The following KHDC1 variants were observed in gnomAD, a reference collection of about 807,000 sequenced individuals.
The protein encoded by KHDC1 is KH domain containing 1.
Under a neutral mutation model 24.7 loss-of-function variants are expected in KHDC1, and 21 were observed. The observed-to-expected ratio is 0.85, with a 90% CI of 0.60 to 1.23. The LOEUF (loss-of-function observed/expected upper bound fraction) is 1.23. Among genes scored for constraint, KHDC1 ranks in the 50% most tolerant of loss-of-function variants. The pLI is 0.00. For synonymous variants in KHDC1, 98 were observed against 111.7 expected (o/e 0.88, Z 0.77); for missense variants, 274 against 298.5 (o/e 0.92, Z 0.61).
chr6:73,283,446 T>G (rs1013616860), intron 2 of KHDC1, among the ~76,000 whole-genome samples: 2 of 152,026 alleles, frequency 1.3e-5, no homozygotes, highest in African/African-American at 4.8e-5. Context: ...AGAGACAGGG[T>G]CTCAGTGTTG....
chr6:73,295,083 T>C (rs566021545), intron 1 of KHDC1, among the ~76,000 whole-genome samples: 1 of 151,678 alleles, frequency 6.6e-6, no homozygotes, highest in Non-Finnish European at 1.5e-5. Context: ...GAACCGGGAG[T>C]TGGATGTTGC....
chr6:73,287,963 G>A (rs1767553489), intron 2 of KHDC1, among the ~76,000 whole-genome samples: 2 of 152,148 alleles, frequency 1.3e-5, no homozygotes, highest in African/African-American at 4.8e-5. Context: ...AGTGGAGAAG[G>A]GCTAATGAAG....
At chr6:73,266,972 G>T (rs1164168898) in intron 2 of KHDC1, among the ~76,000 whole-genome samples, 1 of 151,818 alleles carries the variant, frequency 6.6e-6, no homozygotes, top group Non-Finnish European at 1.5e-5. Context: ...GAGGATTGCT[G>T]AGCCCAGAAG....
chr6:73,243,792 CAAAT>C (rs1766618386), intron 2 of KHDC1, among the ~76,000 whole-genome samples: 1 of 152,184 alleles, frequency 6.6e-6, no homozygotes, highest in African/African-American at 2.4e-5. Flanking sequence ...TGTTTGCTAT[CAAAT>C]AAAAGCTGTC....
intron 2 of KHDC1, among the ~76,000 whole-genome samples, chr6:73,257,033 C>G (rs1766891119): frequency 6.6e-6 from 1 of 152,090 alleles, no homozygotes; most frequent in Non-Finnish European, 1.5e-5. Context: ...TGGCTCAAAC[C>G]TGTAATCCTA....
intron 1 of KHDC1, among the ~76,000 whole-genome samples, chr6:73,305,002 C>G (rs1767935866): frequency 6.6e-6 from 1 of 152,120 alleles, no homozygotes; most frequent in African/African-American, 2.4e-5. Context: ...CTTTGGGAGG[C>G]TGAGGTGGGC....
chr6:73,260,115 CTACTT>C (rs1333369390), intron 2 of KHDC1, among the ~76,000 whole-genome samples: 2 of 152,284 alleles, frequency 1.3e-5, no homozygotes, highest in East Asian at 1.9e-4. Context: ...TTCCTCATTC[CTACTT>C]TAGAGTCCGC....
intron 1 of KHDC1, chr6:73,292,566 G>A: frequency 1.3e-6 from 1 of 766,800 alleles, no homozygotes; most frequent in Non-Finnish European, 2.4e-6. Context: ...AATTCTGTGA[G>A]TTCTCCACTC....
chr6:73,287,331 CA>C (rs1191544879), intron 2 of KHDC1, among the ~76,000 whole-genome samples: 10 of 152,302 alleles, frequency 6.6e-5, no homozygotes, highest in South Asian at 4.1e-4. Context: ...GCCAGAAAGA[CA>C]CAATCATCAT....
At chr6:73,290,632 G>A in intron 2 of KHDC1, 3 of 507,338 alleles carry the variant, frequency 5.9e-6, no homozygotes, top group South Asian at 4.4e-5. Flanking sequence ...CTGCTGATGT[G>A]TCATATCCTG....
At position 73,280,328 on chromosome 6, in the gene KHDC1, T is replaced by C. The variant is rs941299445; in HGVS notation, c.206+11670A>G. ...ATGCACCACCATGCTCGGCTAATGT[T>C]TGTATTTTATTTTTTGTAGAAATGG... On this transcript the variant is annotated intron_variant, in intron 2 of 4. Transcript: ENST00000370384. 2.0e-5 allele frequency among the ~76,000 whole-genome samples: 3 copies of C among 151,572 alleles called. No homozygotes were observed. The East Asian group carries it at 5.8e-4, about 29-fold the overall frequency.
intron 1 of KHDC1, chr6:73,301,365 C>CCAGT (rs1767872129): frequency 6.6e-6 from 1 of 152,132 alleles, no homozygotes; most frequent in African/African-American, 2.4e-5. Flanking sequence ...AATCACCTGT[C>CCAGT]TTTATATCCA....
At chr6:73,252,982 C>T (rs1287521272) in intron 2 of KHDC1, among the ~76,000 whole-genome samples, 1 of 151,992 alleles carries the variant, frequency 6.6e-6, no homozygotes, top group Non-Finnish European at 1.5e-5. Context: ...GTTTTTTAAA[C>T]TATGTAAAAA....
chr6:73,252,264 T>C (rs965815628), intron 2 of KHDC1, among the ~76,000 whole-genome samples: 2 of 152,024 alleles, frequency 1.3e-5, no homozygotes, highest in African/African-American at 4.8e-5. Context: ...GGCTGGTCTC[T>C]AACTTGTGGG....
At chr6:73,262,951 G>A (rs985102934) in intron 2 of KHDC1, 3 of 991,524 alleles carry the variant, frequency 3.0e-6, no homozygotes, top group South Asian at 4.5e-5. Context: ...GAGACCACAG[G>A]GGGGTCAGGT....
chr6:73,279,575 ATTTTTTTTTTTTT>A (rs560281126), intron 2 of KHDC1, among the ~76,000 whole-genome samples: 4 of 98,312 alleles, frequency 4.1e-5, no homozygotes, highest in Non-Finnish European at 6.0e-5. Context: ...GGGACCATGG[ATTTTTTTTTTTTT>A]TTTTTTTTTT....
At chr6:73,252,704 C>T (rs1056409701) in intron 2 of KHDC1, among the ~76,000 whole-genome samples, 7 of 151,944 alleles carry the variant, frequency 4.6e-5, no homozygotes, top group African/African-American at 1.7e-4. Flanking sequence ...GTAGTCCCAG[C>T]TACTCAGGAG....
chr6:73,306,656 G>A (rs1426922104), intron 1 of KHDC1, among the ~76,000 whole-genome samples: 1 of 151,748 alleles, frequency 6.6e-6, no homozygotes, highest in East Asian at 1.9e-4. Context: ...CCTCCTTCTA[G>A]CTTGGGGTGG....
chr6:73,290,069 C>G (rs1030076384), intron 2 of KHDC1, among the ~76,000 whole-genome samples: 1 of 137,078 alleles, frequency 7.3e-6, no homozygotes, highest in Non-Finnish European at 1.5e-5. Context: ...CACTGCAGTC[C>G]GCAGTCCGGC....
Sources: gnomAD v4.1 joint callset for allele counts (sites outside exome capture counted in the v4.1 genomes callset) on GRCh38, gnomAD v4.1.1 for gene constraint, MANE v1.5 for transcripts, NCBI Gene and HGNC (gene_info 2026-07-23, HGNC 2026-07-21) for gene names.